NFE2L3: variants seen among roughly 807,000 people sequenced by gnomAD.
NFE2L3 encodes nuclear factor erythroid 2-related factor 3.
Under a neutral mutation model 23.5 loss-of-function variants are expected in NFE2L3, and 18 were observed. That is an observed-to-expected ratio of 0.77 (90% confidence interval 0.53 to 1.13). The LOEUF is 1.13. Ranked by LOEUF, NFE2L3 falls within the 50% of genes most tolerant of loss-of-function variation. NFE2L3 has a pLI of 0.00. For synonymous variants in NFE2L3, 424 were observed against 354.5 expected (o/e 1.20, Z -2.20); for missense variants, 1,152 against 877.2 (o/e 1.31, Z -3.96).
intron 1 of NFE2L3, among the ~76,000 whole-genome samples, chr7:26,165,809 T>A (rs1230682378): frequency 6.6e-6 from 1 of 152,188 alleles, no homozygotes; most frequent in African/African-American, 2.4e-5. Context: ...TTTATTAGTT[T>A]GAGATACGTC....
Position 26,184,718 on chromosome 7 carries a change from A to C in NFE2L3, c.1020A>C (p.Glu340Asp). The C allele has an allele frequency of 6.2e-7, 1 of 1,613,900 alleles. No individual in the cohort carries two copies. Among genetic ancestry groups the C allele is most frequent in the East Asian group, 2.2e-5 (1 of 44,868 alleles). The change falls in exon 4 of 4, where the codon GAA becomes GAC. Residue 340 changes from glutamate (E) to aspartate (D), a missense_variant. Physicochemically the swap from Glu to Asp is conservative, Grantham distance 45. Transcript: ENST00000056233. ...CAGCAAGGACTTCACAGTCACAAGA[A>C]CCATTTCTGCAGTTAAATTCTCATA... ...DPTARTSQSQ[E>D]PFLQLNSHTT... is the part of the protein sequence containing the mutation.
intron 1 of NFE2L3, among the ~76,000 whole-genome samples, chr7:26,173,045 T>C (rs374977786): frequency 1.3e-5 from 2 of 152,298 alleles, no homozygotes; most frequent in Admixed American, 6.5e-5. Context: ...CTTCATTTAT[T>C]TGTTTATATT....
At chr7:26,182,816 G>T (rs1583939781) in intron 2 of NFE2L3, among the ~76,000 whole-genome samples, 1 of 152,240 alleles carries the variant, frequency 6.6e-6, no homozygotes, top group African/African-American at 2.4e-5. Context: ...AATATTTTTT[G>T]AGACGAGATC....
chr7:26,153,100 G>C, intron 1 of NFE2L3, 32 bp downstream of exon 1: 1 of 1,501,392 alleles, frequency 6.7e-7, no homozygotes, highest in Non-Finnish European at 8.8e-7. Flanking sequence ...AGCGAAGTGC[G>C]GCGTCTACGC....
At chr7:26,182,809 A>T (rs1562678515) in intron 2 of NFE2L3, among the ~76,000 whole-genome samples, 1 of 152,126 alleles carries the variant, frequency 6.6e-6, no homozygotes, top group Non-Finnish European at 1.5e-5. Context: ...CTGTAAAAAT[A>T]TTTTTTGAGA....
chr7:26,187,031 T>C lies in NFE2L3; in HGVS notation c.*1248T>C, dbSNP rs183817503. ...CAGATATTATTTCTGCCATAGGAGC[T>C]ACAGTGTAGAGTATCACATAAGTAT... is the stretch of plus-strand genomic sequence containing the variant. On this transcript the variant is annotated 3_prime_UTR_variant, in exon 4 of 4. Transcript: ENST00000056233. 1 of 152,362 alleles carries C rather than the reference T, an allele frequency of 6.6e-6. No individual in the cohort carries two copies. Among genetic ancestry groups the C allele is most frequent in the East Asian group, 1.9e-4 (1 of 5,192 alleles). The allele number at this position is 152,362 out of a possible 1,614,324, so 9.4% of individuals were successfully genotyped here. A position where few individuals can be genotyped will look rare whatever the true frequency, so the allele number is the denominator to read the frequency against.
intron 1 of NFE2L3, among the ~76,000 whole-genome samples, chr7:26,159,102 G>T (rs188335105): frequency 4.5e-4 from 69 of 152,194 alleles, no homozygotes; most frequent in Non-Finnish European, 2.9e-4. Flanking sequence ...CCTCTAGCTC[G>T]CCATTGCCTA....
rs556003889 is a variant in NFE2L3, at chr7:26,161,697, T to C, written c.570+8629T>C. ...AAGTGACTTACCAGGTACTTAAAAG[T>C]CAAAGCCCAATTTCCCTAGCTCCTT... On this transcript the variant is annotated intron_variant, in intron 1 of 3. Coordinates refer to ENST00000056233, the MANE Select transcript of NFE2L3 (RefSeq NM_004289.7). Among the ~76,000 whole-genome samples the C allele has an allele frequency of 5.3e-5, 8 of 152,074 alleles. No individual in the cohort carries two copies. The East Asian group carries it at 1.5e-3, about 29-fold the overall frequency.
At chr7:26,183,961 C>A (rs1782402355) in intron 3 of NFE2L3, 177 bp downstream of exon 3, 6 of 542,554 alleles carry the variant, frequency 1.1e-5, no homozygotes, top group Admixed American at 1.0e-4. Context: ...CCAAATAATC[C>A]CAAAGGTATA....
chr7:26,162,211 G>C (rs1784182557), intron 1 of NFE2L3, among the ~76,000 whole-genome samples: 1 of 151,932 alleles, frequency 6.6e-6, no homozygotes, highest in Non-Finnish European at 1.5e-5. Flanking sequence ...TATTAGCGAG[G>C]AGAACTTTCT....
intron 1 of NFE2L3, among the ~76,000 whole-genome samples, chr7:26,177,361 C>T (rs1278013223): frequency 1.3e-5 from 2 of 152,236 alleles, no homozygotes; most frequent in Admixed American, 1.3e-4. Flanking sequence ...CCTCGGGAGG[C>T]CGAGGCGGGC....
rs1784009876 is a variant in NFE2L3, at chr7:26,152,409, C to G, written c.-90C>G. 1 of 945,328 alleles carries G rather than the reference C, an allele frequency of 1.1e-6. No individual in the cohort carries two copies. The highest frequency in any genetic ancestry group is 1.3e-6 in the Non-Finnish European group (1 of 743,264). The allele number at this position is 945,328 out of a possible 1,614,324, so 58.6% of individuals were successfully genotyped here. A position where few individuals can be genotyped will look rare whatever the true frequency, so the allele number is the denominator to read the frequency against. On this transcript the variant is annotated 5_prime_UTR_variant, in exon 1 of 4. Coordinates refer to ENST00000056233, the MANE Select transcript of NFE2L3 (RefSeq NM_004289.7). This position sits in a 1 kb window ranked among gnomAD's most constrained non-coding sequence, Gnocchi z 4.4. Reference sequence around the variant, plus strand: ...TATCTGGGTTCCAGGCAGGTGCGGGCGGCGCGCGGGGTCCGCACGTGTCAC... The same window carrying G: ...TATCTGGGTTCCAGGCAGGTGCGGGGGGCGCGCGGGGTCCGCACGTGTCAC...
At chr7:26,162,677 C>A (rs1411763544) in intron 1 of NFE2L3, among the ~76,000 whole-genome samples, 1 of 151,960 alleles carries the variant, frequency 6.6e-6, no homozygotes, top group Non-Finnish European at 1.5e-5. Context: ...GTTTCTCTGC[C>A]TTCTCCAGGG....
rs1367523362 is a variant in NFE2L3, at chr7:26,182,427, A to C, written c.751-1274A>C. Among the ~76,000 whole-genome samples the C allele has an allele frequency of 2.0e-5, 3 of 152,106 alleles. 1 individual carries two copies. Among genetic ancestry groups the C allele is most frequent in the South Asian group, 4.1e-4 (2 of 4,828 alleles). ...TCACCTGTGGTCAGTAGTTCAAGAC[A>C]AGCCTGGCCAACATGGCAAAACGCC... is the stretch of plus-strand genomic sequence containing the variant. On this transcript the variant is annotated intron_variant, in intron 2 of 3. Transcript: ENST00000056233.
chr7:26,154,821 A>G (rs1047192990), intron 1 of NFE2L3, among the ~76,000 whole-genome samples: 2 of 152,200 alleles, frequency 1.3e-5, no homozygotes, highest in African/African-American at 4.8e-5. Context: ...GTTTACAGGC[A>G]TGAGCCACCA....
In NFE2L3 at chr7:26,165,982, C is replaced by T. The variant is rs372825215; in HGVS notation, c.571-11961C>T. Among the ~76,000 whole-genome samples the T allele has an allele frequency of 5.3e-4, 81 of 152,126 alleles. 1 individual carries two copies. The highest frequency in any genetic ancestry group is 2.9e-3 in the South Asian group (14 of 4,828). On this transcript the variant is annotated intron_variant, in intron 1 of 3. Coordinates refer to ENST00000056233, the MANE Select transcript of NFE2L3 (RefSeq NM_004289.7). The stretch of plus-strand genomic sequence containing the variant: ...TAGTTGGTTTGTTTGAATCACAATC[C>T]GACAAGATCCATACCTTGCATTGTA...
chr7:26,156,408 A>G (rs1421575144), intron 1 of NFE2L3, among the ~76,000 whole-genome samples: 2 of 152,196 alleles, frequency 1.3e-5, no homozygotes, highest in Non-Finnish European at 2.9e-5. Context: ...AATTTTCCAT[A>G]ATTTATGTAC....
chr7:26,184,476 G>A, intron 3 of NFE2L3, 57 bp from the exon 4 acceptor site: 1 of 1,490,852 alleles, frequency 6.7e-7, no homozygotes, highest in South Asian at 1.3e-5. Flanking sequence ...TTAGGTAATA[G>A]AACTGCTTCA....
intron 1 of NFE2L3, among the ~76,000 whole-genome samples, chr7:26,155,455 A>G (rs748387800): frequency 6.6e-6 from 1 of 152,136 alleles, no homozygotes; most frequent in Non-Finnish European, 1.5e-5. Context: ...AAGAAAAAAA[A>G]TGAAGAAGAA....
Sources: allele counts gnomAD v4.1 joint callset (sites outside exome capture counted in the v4.1 genomes callset), GRCh38; gene constraint gnomAD v4.1.1; non-coding constraint Gnocchi (gnomAD v3.1); transcripts MANE v1.5; gene names NCBI Gene and HGNC (gene_info 2026-07-23, HGNC 2026-07-21).